The following STIL variants were observed in gnomAD, a reference collection of about 807,000 sequenced individuals.
STIL encodes the protein SCL-interrupting locus protein.
A neutral mutation model predicts 110.1 loss-of-function variants in STIL; 55 were observed. The ratio of observed to expected loss-of-function variants is 0.50; its 90% confidence interval spans 0.40 to 0.63. The LOEUF is 0.63. Ranked by LOEUF, STIL falls within the 20% of genes least tolerant of loss-of-function variation. The pLI is 0.00. For missense variants in STIL, 1,358 were observed against 1,530.0 expected, an observed-to-expected ratio of 0.89 and a Z score of 1.87; for synonymous variants, 481 against 530.0, an observed-to-expected ratio of 0.91 and a Z score of 1.27.
At chr1:47,264,535 A>T (rs1275499580) in intron 14 of STIL, among the ~76,000 whole-genome samples, 1 of 152,184 alleles carries the variant, frequency 6.6e-6, no homozygotes, top group African/African-American at 2.4e-5. Context: ...ACTACATACC[A>T]CTACTCACTG....
chr1:47,299,223 TG>T (rs1427949203), intron 6 of STIL, among the ~76,000 whole-genome samples: 8 of 151,374 alleles, frequency 5.3e-5, no homozygotes, highest in African/African-American at 1.5e-4. Context: ...GGCATGCACC[TG>T]TAATCACAGC....
intron 10 of STIL, chr1:47,283,890 C>CTTTTT (rs1181927349): frequency 1.2e-5 from 1 of 81,160 alleles, no homozygotes. Flanking sequence ...CATTTCTTAG[C>CTTTTT]TTTTTTTTTT....
At chr1:47,282,941 T>C (rs1645192090) in intron 10 of STIL, 1 of 155,672 alleles carries the variant, frequency 6.4e-6, no homozygotes. Flanking sequence ...TACCCTCCCA[T>C]TTAGTCAGGA....
chr1:47,311,516 G>C (rs1340725764), intron 1 of STIL, among the ~76,000 whole-genome samples: 3 of 151,142 alleles, frequency 2.0e-5, no homozygotes, highest in Non-Finnish European at 4.4e-5. Flanking sequence ...CGAACTCTTG[G>C]ATTAAAGCAA....
At chr1:47,282,762 CAAGT>C (rs1033918177) in intron 10 of STIL, 1 of 316,286 alleles carries the variant, frequency 3.2e-6, no homozygotes, top group Non-Finnish European at 6.0e-6. Context: ...AATATAGAAA[CAAGT>C]AAGACTTAGT....
intron 2 of STIL, among the ~76,000 whole-genome samples, chr1:47,307,970 A>G (rs1189495863): frequency 6.6e-6 from 1 of 152,170 alleles, no homozygotes; most frequent in Non-Finnish European, 1.5e-5. Flanking sequence ...TTCCCACCTA[A>G]TAAATTGTAG....
At chr1:47,289,169 T>C (rs1218127128) in intron 9 of STIL, among the ~76,000 whole-genome samples, 2 of 152,008 alleles carry the variant, frequency 1.3e-5, no homozygotes, top group East Asian at 3.8e-4. Context: ...TGATATATTC[T>C]TCAAAGATTT....
rs368201717 is a variant in STIL, at chr1:47,304,885, A to G, written c.152+4T>C. 86 of 1,596,186 alleles carry G rather than the reference A, an allele frequency of 5.4e-5. No homozygotes were observed. In the African/African-American group the frequency reaches 6.7e-4, roughly 12 times the overall value. On this transcript the variant is annotated splice_donor_region_variant and intron_variant, in intron 3 of 16. Transcript: ENST00000371877. The stretch of plus-strand genomic sequence containing the variant: ...TTGATTTGAAAAAAAGAAACATGTT[A>G]TACCTGTAGTAACTGAGATGTAAGT...
At chr1:47,256,620 C>CAA (rs35642855) in intron 16 of STIL, among the ~76,000 whole-genome samples, 25,131 of 85,622 alleles carry the variant, frequency 0.29, 3,327 homozygotes, top group Non-Finnish European at 0.37. Flanking sequence ...GACTCCATCT[C>CAA]AAAAAAAAAA....
At chr1:47,269,477 G>C (rs532025551) in intron 14 of STIL, among the ~76,000 whole-genome samples, 158 bp downstream of exon 14, 48 of 152,304 alleles carry the variant, frequency 3.2e-4, no homozygotes, top group Middle Eastern at 6.8e-3. Flanking sequence ...AAAAAGTTAA[G>C]TATGTGAAGT....
In STIL at chr1:47,272,195, T is replaced by C. The variant is rs1644862103; in HGVS notation, c.2264A>G (p.Lys755Arg). 1.2e-6 allele frequency: 2 copies of C among 1,614,050 alleles called. No homozygotes were observed. Among genetic ancestry groups the C allele is most frequent in the African/African-American group, 1.3e-5 (1 of 74,926 alleles). ...EAQSLMPCSPKTTAVEDTVQA... is the reference protein window; with the variant it reads ...EAQSLMPCSPRTTAVEDTVQA... ...CACTGTGTCTTCAACAGCAGTTGTC[T>C]TAGGGGAACAGGGCATCAGAGACTG... Residue 755 changes from lysine to arginine, a missense_variant, in exon 13 of 17, where the codon AAG becomes AGG. Coordinates refer to ENST00000371877, the MANE Select transcript of STIL (RefSeq NM_001048166.1).
At position 47,270,227 on chromosome 1, in the gene STIL, CAAAA is replaced by C. The variant is rs34842407; in HGVS notation, c.2384-365_2384-362del. On this transcript the variant is annotated intron_variant, in intron 13 of 16. Coordinates refer to ENST00000371877, the MANE Select transcript of STIL (RefSeq NM_001048166.1). ...CATTCCAGCCTGGGCAACTCTGGCTCAAAAAAAAAAAAAAATATATATATATATA... is the reference window on the plus strand; with the variant it reads ...CATTCCAGCCTGGGCAACTCTGGCTCAAAAAAAAAAATATATATATATATA... Among the ~76,000 whole-genome samples, 454 of 87,170 alleles carry C rather than the reference CAAAA, an allele frequency of 5.2e-3. 1 individual carries two copies. Among genetic ancestry groups the C allele is most frequent in the Non-Finnish European group, 6.5e-3 (314 of 48,050 alleles). The allele number at this position is 87,170 out of a possible 152,430, so 57.2% of individuals were successfully genotyped here.
At position 47,280,682 on chromosome 1, in the gene STIL, G is replaced by A. The variant is rs1376777111; in HGVS notation, c.1776C>T (p.Pro592=). The A allele has an allele frequency of 6.2e-7, 1 of 1,614,212 alleles. No homozygotes were observed. The highest frequency in any genetic ancestry group is 1.1e-5 in the South Asian group (1 of 91,084). ...TTGTGGAACAGTAAGATGGCAGTGG[G>A]GGAGTAGGTATCTGAAGTTCCATTG... ...GRPMELQIPT[P]PLPSYCSTNV... Residue 592 remains proline (P), a synonymous_variant, in exon 12 of 17, where the codon CCC becomes CCT. Transcript: ENST00000371877.
intron 7 of STIL, among the ~76,000 whole-genome samples, chr1:47,295,265 TGTTAGA>T (rs1645609658): frequency 6.6e-6 from 1 of 152,078 alleles, no homozygotes. Flanking sequence ...CTGTTTTATA[TGTTAGA>T]GTTCTTCCTA....
chr1:47,310,614 G>A (rs764963513), intron 1 of STIL, among the ~76,000 whole-genome samples: 1 of 152,064 alleles, frequency 6.6e-6, no homozygotes, highest in Admixed American at 6.6e-5. Context: ...AGGAAAGCTC[G>A]GATTCTGCCC....
chr1:47,260,145 A>G lies in STIL; in HGVS notation c.3080+144T>C, dbSNP rs184151808. On this transcript the variant is annotated intron_variant, in intron 16 of 16. Coordinates refer to ENST00000371877, the MANE Select transcript of STIL (RefSeq NM_001048166.1). ...CCTGAATAAATCGTGAATCAACTCA[A>G]TTGAGGCACAAACGTAACTTTTCTG... is the stretch of plus-strand genomic sequence containing the variant. 394 of 777,530 alleles carry G rather than the reference A, an allele frequency of 5.1e-4. 1 individual carries two copies. In the African/African-American group the frequency reaches 6.1e-3, roughly 12 times the overall value. 48.2% of individuals were successfully genotyped at this position (777,530 alleles called of 1,614,324 possible). A position where few individuals can be genotyped will look rare whatever the true frequency, so the allele number is the denominator to read the frequency against.
At chr1:47,279,011 T>C (rs1010759965) in intron 12 of STIL, among the ~76,000 whole-genome samples, 1 of 151,956 alleles carries the variant, frequency 6.6e-6, no homozygotes, top group Non-Finnish European at 1.5e-5. Flanking sequence ...AAAAATCATA[T>C]GTATGGCCGG....
At chr1:47,282,934 C>T (rs557429254) in intron 10 of STIL, 1 of 155,690 alleles carries the variant, frequency 6.4e-6, no homozygotes, top group Non-Finnish European at 1.4e-5. Flanking sequence ...AAAGTACTAC[C>T]CTCCCATTTA....
intron 2 of STIL, among the ~76,000 whole-genome samples, chr1:47,305,763 T>C (rs1302770831): frequency 2.0e-5 from 2 of 97,624 alleles, no homozygotes; most frequent in South Asian, 3.7e-4. Flanking sequence ...GACGGAGTCT[T>C]ACCCTGTTGC....
Sources: allele counts gnomAD v4.1 joint callset (sites outside exome capture counted in the v4.1 genomes callset), GRCh38; gene constraint gnomAD v4.1.1; transcripts MANE v1.5; gene names NCBI Gene and HGNC (gene_info 2026-07-23, HGNC 2026-07-21).